The following DCDC2 variants were observed in gnomAD, a reference collection of about 807,000 sequenced individuals.
DCDC2 encodes doublecortin domain-containing protein 2.
DCDC2 carries 40 observed loss-of-function variants against 50.2 expected under a neutral mutation model. The observed-to-expected ratio is 0.80, with a 90% CI of 0.62 to 1.04. The LOEUF (loss-of-function observed/expected upper bound fraction) is 1.04. DCDC2 is among the 50% of genes least tolerant of loss of function. DCDC2 has a pLI of 0.00. For missense variants in DCDC2, 570 were observed against 581.9 expected (o/e 0.98, Z 0.21); for synonymous variants, 234 against 210.6 (o/e 1.11, Z -0.96).
At chr6:24,318,938 G>A (rs970358593) in intron 2 of DCDC2, among the ~76,000 whole-genome samples, 5 of 151,828 alleles carry the variant, frequency 3.3e-5, no homozygotes, top group African/African-American at 1.2e-4. Context: ...CTTTCCTCTG[G>A]GTAGATACCC....
At chr6:24,330,388 G>T (rs1244189699) in intron 2 of DCDC2, among the ~76,000 whole-genome samples, 1 of 152,108 alleles carries the variant, frequency 6.6e-6, no homozygotes, top group African/African-American at 2.4e-5. Context: ...TCACACCGTG[G>T]GGAGTACAAT....
At chr6:24,197,489 ATATAC>A (rs1381550597) in intron 8 of DCDC2, among the ~76,000 whole-genome samples, 2 of 152,222 alleles carry the variant, frequency 1.3e-5, no homozygotes, top group African/African-American at 4.8e-5. Flanking sequence ...TTGTCTTAAA[ATATAC>A]TATTTAATTA....
chr6:24,209,374 C>T (rs1761805590), intron 7 of DCDC2, among the ~76,000 whole-genome samples: 1 of 152,160 alleles, frequency 6.6e-6, no homozygotes. Flanking sequence ...CTAGTTATTG[C>T]TACAGCAACA....
At chr6:24,248,118 G>A (rs753183195) in intron 7 of DCDC2, among the ~76,000 whole-genome samples, 7 of 152,098 alleles carry the variant, frequency 4.6e-5, no homozygotes, top group Non-Finnish European at 8.8e-5. Context: ...ATGTTCTAAC[G>A]TTCTTTAACT....
intron 6 of DCDC2, among the ~76,000 whole-genome samples, chr6:24,282,720 C>T (rs1247103727): frequency 6.8e-6 from 1 of 147,460 alleles, no homozygotes; most frequent in Admixed American, 7.0e-5. Flanking sequence ...CCTCAGTGAG[C>T]AGCCTTCACG....
At chr6:24,237,815 C>T (rs1762479217) in intron 7 of DCDC2, among the ~76,000 whole-genome samples, 2 of 151,954 alleles carry the variant, frequency 1.3e-5, no homozygotes, top group Admixed American at 1.3e-4. Flanking sequence ...AAACTAATAC[C>T]AAAACAGAAA....
At chr6:24,203,404 A>T (rs1358498213) in intron 8 of DCDC2, among the ~76,000 whole-genome samples, 1 of 152,244 alleles carries the variant, frequency 6.6e-6, no homozygotes, top group East Asian at 1.9e-4. Flanking sequence ...CCTATGTAAT[A>T]AATGGCGTTG....
intron 7 of DCDC2, among the ~76,000 whole-genome samples, chr6:24,273,032 ACT>A (rs1428007314): frequency 6.9e-6 from 1 of 145,164 alleles, no homozygotes; most frequent in Non-Finnish European, 1.5e-5. Flanking sequence ...ACACACACAC[ACT>A]TTGTGGGTAT....
At chr6:24,258,212 AAAAG>A (rs1361393990) in intron 7 of DCDC2, among the ~76,000 whole-genome samples, 2 of 152,200 alleles carry the variant, frequency 1.3e-5, no homozygotes, top group Non-Finnish European at 2.9e-5. Context: ...TGTGAAGAGC[AAAAG>A]AAAAACCCTT....
At chr6:24,194,119 T>C (rs1761370785) in intron 8 of DCDC2, among the ~76,000 whole-genome samples, 1 of 152,152 alleles carries the variant, frequency 6.6e-6, no homozygotes, top group African/African-American at 2.4e-5. Flanking sequence ...CAGTACTCCA[T>C]GAGAAATAGC....
intron 7 of DCDC2, among the ~76,000 whole-genome samples, chr6:24,255,146 C>G (rs1358851890): frequency 1.3e-5 from 2 of 151,986 alleles, no homozygotes; most frequent in Non-Finnish European, 2.9e-5. Context: ...ATAGAGAGAA[C>G]AGAAACTGAT....
intron 7 of DCDC2, among the ~76,000 whole-genome samples, chr6:24,252,236 CAT>C (rs1196233837): frequency 6.6e-6 from 1 of 152,200 alleles, no homozygotes; most frequent in Non-Finnish European, 1.5e-5. Flanking sequence ...CTACAACACA[CAT>C]ATAGTTCATA....
At chr6:24,321,835 T>TAATACAAATGGTCACCCCA (rs1759779328) in intron 2 of DCDC2, among the ~76,000 whole-genome samples, 1 of 152,222 alleles carries the variant, frequency 6.6e-6, no homozygotes, top group African/African-American at 2.4e-5. Context: ...ACAAATTAGC[T>TAATACAAATGGTCACCCCA]AATACAAATG....
At chr6:24,294,346 C>G (rs1045937980) in intron 4 of DCDC2, among the ~76,000 whole-genome samples, 1 of 151,844 alleles carries the variant, frequency 6.6e-6, no homozygotes, top group Non-Finnish European at 1.5e-5. Context: ...CAGAGTGAGA[C>G]CCTGTCTCCA....
chr6:24,183,432 C>A (rs1014412377), intron 8 of DCDC2, among the ~76,000 whole-genome samples: 3 of 152,226 alleles, frequency 2.0e-5, no homozygotes, highest in African/African-American at 7.2e-5. Flanking sequence ...ACCAGGAAGT[C>A]GAGAGTTTTC....
intron 2 of DCDC2, among the ~76,000 whole-genome samples, chr6:24,336,467 T>C (rs1407836789): frequency 2.6e-5 from 4 of 152,200 alleles, no homozygotes; most frequent in Non-Finnish European, 5.9e-5. Flanking sequence ...AGAAGTATAT[T>C]ATGTGCTATT....
upstream of DCDC2, among the ~76,000 whole-genome samples, chr6:24,359,010 A>T (rs186085228): frequency 2.5e-4 from 10 of 40,082 alleles, no homozygotes; most frequent in Admixed American, 1.9e-3. Context: ...TATTTTATAT[A>T]TTATATATTT....
intron 7 of DCDC2, among the ~76,000 whole-genome samples, chr6:24,207,161 G>A (rs1761731058): frequency 6.6e-6 from 1 of 151,814 alleles, no homozygotes. Context: ...AAACTTGGAA[G>A]GTGAAAAAAT....
chr6:24,294,876 G>A (rs1410207177), intron 4 of DCDC2, among the ~76,000 whole-genome samples: 1 of 151,980 alleles, frequency 6.6e-6, no homozygotes, highest in Non-Finnish European at 1.5e-5. Context: ...ATTCACAGTC[G>A]AATTCTACCA....
Sources: gnomAD v4.1 joint callset for allele counts (sites outside exome capture counted in the v4.1 genomes callset) on GRCh38, gnomAD v4.1.1 for gene constraint, MANE v1.5 for transcripts, NCBI Gene and HGNC (gene_info 2026-07-23, HGNC 2026-07-21) for gene names.